The following TMEM245 variants were observed in gnomAD, a reference collection of about 807,000 sequenced individuals.
TMEM245 encodes protein CG-2.
TMEM245 carries 69 observed loss-of-function variants against 101.2 expected under a neutral mutation model. That is an observed-to-expected ratio of 0.68 (90% CI 0.56 to 0.83). The LOEUF (loss-of-function observed/expected upper bound fraction) is 0.83, where lower values mean the gene tolerates loss of function less well. TMEM245 is among the 40% of genes least tolerant of loss of function. TMEM245 has a pLI of 0.00. For missense variants in TMEM245, 1,075 were observed against 1,092.8 expected (o/e 0.98, Z 0.23); for synonymous variants, 537 against 449.8 (o/e 1.19, Z -2.45).
In TMEM245 at chr9:109,119,596, G is replaced by A. The variant is rs1433185100; in HGVS notation, c.318C>T (p.Arg106=). The A allele has an allele frequency of 1.3e-6, 2 of 1,552,816 alleles. No homozygotes were observed. The highest frequency in any genetic ancestry group is 2.4e-5 in the East Asian group (1 of 41,338). ...PFKSSLTRLG[R]HWLQRLHRAH... ...CGCGGTGCAGGCGCTGCAGCCAGTG[G>A]CGGCCCAGGCGCGTCAGCGAGCTCT... The change falls in exon 1 of 18, where the codon CGC becomes CGT. Residue 106 remains arginine (R), a synonymous_variant. Coordinates refer to ENST00000374586, the MANE Select transcript of TMEM245 (RefSeq NM_032012.4).
In TMEM245 at chr9:109,016,288, C is replaced by G. The variant is rs1040318058; in HGVS notation, c.*4172G>C. ...CATTTTAATTGACCATGCAATCCCC[C>G]ACCCCCAACACACACACACTTTTTT... On this transcript the variant is annotated 3_prime_UTR_variant, in exon 18 of 18. Transcript: ENST00000374586. 1 of 152,188 alleles carries G rather than the reference C, an allele frequency of 6.6e-6. No individual in the cohort carries two copies. Among genetic ancestry groups the G allele is most frequent in the East Asian group, 1.9e-4 (1 of 5,192 alleles). The allele number at this position is 152,188 out of a possible 1,614,324, so 9.4% of individuals were successfully genotyped here. A position where few individuals can be genotyped will look rare whatever the true frequency, so the allele number is the denominator to read the frequency against.
Position 109,106,585 on chromosome 9 carries a change from A to C in TMEM245, c.722T>G (p.Ile241Ser), listed in dbSNP as rs754893255. The C allele has an allele frequency of 3.3e-5, 54 of 1,612,924 alleles. No individual in the cohort carries two copies. Among genetic ancestry groups the C allele is most frequent in the Non-Finnish European group, 4.5e-5 (53 of 1,179,370 alleles). The change falls in exon 3 of 18, where the codon ATT (isoleucine) becomes AGT (serine). Residue 241 changes from isoleucine (I) to serine (S), a missense_variant. Physicochemically the swap from Ile to Ser is moderately radical, Grantham distance 142. This residue lies in a region of TMEM245 where 808 missense variants were observed against 741.5 expected (regional missense o/e 1.09). Transcript: ENST00000374586. ...HLASLAGSWR[I>S]PVFLVIVFLM... ...GAAAACAATAACCAGGAATACTGGA[A>C]TTCTCCATGAGCCAGCCAGGGATGC...
At chr9:109,086,067 A>T (rs759029486) in intron 6 of TMEM245, 47 bp from the exon 7 acceptor site, 1 of 1,587,692 alleles carries the variant, frequency 6.3e-7, no homozygotes, top group Admixed American at 1.7e-5. Flanking sequence ...AGAACAGTGG[A>T]GTATCATTAG....
At chr9:109,070,291 T>C (rs1829293482) in intron 9 of TMEM245, among the ~76,000 whole-genome samples, 1 of 152,228 alleles carries the variant, frequency 6.6e-6, no homozygotes, top group Admixed American at 6.5e-5. Context: ...TGGATGCCTC[T>C]ACTTACAACA....
At chr9:109,113,581 A>G (rs1830630446) in intron 1 of TMEM245, among the ~76,000 whole-genome samples, 1 of 152,260 alleles carries the variant, frequency 6.6e-6, no homozygotes, top group Non-Finnish European at 1.5e-5. Flanking sequence ...AAGGGAACTA[A>G]TAGGCAATCA....
At position 109,090,976 on chromosome 9, in the gene TMEM245, T is replaced by G. The variant is rs774087746; in HGVS notation, c.1096A>C (p.Met366Leu). ...FVSLVWAIVV[M>L]QIWLNLWIVQ... is the part of the protein sequence containing the mutation. ...ATCCACAGGTTCAACCAGATCTGCATGACGACAATGGCCCAAACTAGAGAC... is the reference window on the plus strand; with the variant it reads ...ATCCACAGGTTCAACCAGATCTGCAGGACGACAATGGCCCAAACTAGAGAC... Residue 366 changes from methionine (M) to leucine (L), a missense_variant, in exon 5 of 18, where the codon ATG (methionine) becomes CTG (leucine). Physicochemically the swap from Met to Leu is conservative, Grantham distance 15. Coordinates refer to ENST00000374586, the MANE Select transcript of TMEM245 (RefSeq NM_032012.4). 2 of 1,614,102 alleles carry G rather than the reference T, an allele frequency of 1.2e-6. No homozygotes were observed. Among genetic ancestry groups the G allele is most frequent in the South Asian group, 2.2e-5 (2 of 91,088 alleles).
chr9:109,061,701 T>C (rs369155319), intron 10 of TMEM245, among the ~76,000 whole-genome samples: 6 of 152,058 alleles, frequency 3.9e-5, no homozygotes, highest in Admixed American at 1.3e-4. Flanking sequence ...CCTGAGTAGC[T>C]GGGATTACAG....
In TMEM245 at chr9:109,056,294, T is replaced by G. The variant is rs541123820; in HGVS notation, c.1854+897A>C. On this transcript the variant is annotated intron_variant, in intron 12 of 17. Coordinates refer to ENST00000374586, the MANE Select transcript of TMEM245 (RefSeq NM_032012.4). ...TTTCAGTTATGGTCATGTATTACTT[T>G]GATAAAAATTAAATTTAGGCCAGGT... Among the ~76,000 whole-genome samples the G allele has an allele frequency of 7.9e-5, 12 of 152,032 alleles. 1 individual carries two copies. The highest frequency in any genetic ancestry group is 2.9e-4 in the African/African-American group (12 of 41,512).
intron 2 of TMEM245, 33 bp downstream of exon 2, chr9:109,108,420 T>TAA (rs5899838): frequency 0.015 from 13,827 of 929,572 alleles, 10 homozygotes; most frequent in African/African-American, 0.02. Flanking sequence ...AGGCTAGACT[T>TAA]AAAAAAAAAA....
chr9:109,057,437 A>C, intron 11 of TMEM245, 115 bp from the exon 12 acceptor site: 2 of 1,219,992 alleles, frequency 1.6e-6, no homozygotes. Flanking sequence ...TACTCCAAGG[A>C]AAAGAACTTT....
Position 109,050,708 on chromosome 9 carries a change from A to G in TMEM245, c.1855-16T>C. On this transcript the variant is annotated splice_polypyrimidine_tract_variant and intron_variant, in intron 12 of 17. Transcript: ENST00000374586. Reference sequence around the variant, plus strand: ...ACTCCAAGATCTGACGAGGAAGGAAAGCTGGATATCAGAACCAATCCTCAT... The same window carrying G: ...ACTCCAAGATCTGACGAGGAAGGAAGGCTGGATATCAGAACCAATCCTCAT... 1 of 1,612,224 alleles carries G rather than the reference A, an allele frequency of 6.2e-7. No individual in the cohort carries two copies. Among genetic ancestry groups the G allele is most frequent in the Admixed American group, 1.7e-5 (1 of 59,662 alleles).
chr9:109,117,276 A>T (rs1564216995), intron 1 of TMEM245, among the ~76,000 whole-genome samples: 1 of 144,960 alleles, frequency 6.9e-6, no homozygotes, highest in Non-Finnish European at 1.5e-5. Context: ...CACCCAGCTA[A>T]TTTTTTTTTT....
At chr9:109,051,119 T>C (rs1016749726) in intron 12 of TMEM245, among the ~76,000 whole-genome samples, 25 of 151,956 alleles carry the variant, frequency 1.6e-4, no homozygotes, top group African/African-American at 6.0e-4. Context: ...AGTAAAACCC[T>C]GTCTCTACTA....
At chr9:109,034,019 G>A (rs1365779597) in intron 16 of TMEM245, among the ~76,000 whole-genome samples, 2 of 152,170 alleles carry the variant, frequency 1.3e-5, no homozygotes, top group African/African-American at 4.8e-5. Flanking sequence ...GGCCTCCTGA[G>A]GAAAATATCT....
intron 10 of TMEM245, among the ~76,000 whole-genome samples, chr9:109,062,974 A>G (rs921464566): frequency 1.4e-5 from 2 of 142,752 alleles, no homozygotes; most frequent in African/African-American, 5.3e-5. Flanking sequence ...CCTCTCCACA[A>G]AAAGAAAAAA....
At chr9:109,043,463 C>T (rs554461043) in intron 14 of TMEM245, among the ~76,000 whole-genome samples, 43 of 152,264 alleles carry the variant, frequency 2.8e-4, no homozygotes, top group African/African-American at 7.2e-4. Context: ...GGACTATATA[C>T]GCTTCCTCCA....
chr9:109,035,541 A>G (rs2132320499), intron 16 of TMEM245, among the ~76,000 whole-genome samples: 1 of 152,322 alleles, frequency 6.6e-6, no homozygotes, highest in South Asian at 2.1e-4. Context: ...CCAGAAATTA[A>G]CTTGCTGAGA....
chr9:109,110,640 CGTCA>C (rs1278268458), intron 1 of TMEM245, among the ~76,000 whole-genome samples: 1 of 151,886 alleles, frequency 6.6e-6, no homozygotes, highest in Non-Finnish European at 1.5e-5. Context: ...TTAAACATTA[CGTCA>C]GTCACTTAGA....
chr9:109,056,307 A>G (rs553553465), intron 12 of TMEM245, among the ~76,000 whole-genome samples: 2 of 152,098 alleles, frequency 1.3e-5, no homozygotes, highest in South Asian at 4.2e-4. Flanking sequence ...TAAAAATTAA[A>G]TTTAGGCCAG....
Sources: gnomAD v4.1 joint callset for allele counts (sites outside exome capture counted in the v4.1 genomes callset) on GRCh38, gnomAD v4.1.1 for gene constraint, gnomAD v4.1.1 regional missense constraint, MANE v1.5 for transcripts, NCBI Gene and HGNC (gene_info 2026-07-23, HGNC 2026-07-21) for gene names.